Variants in DPP10 observed in about 807,000 individuals in gnomAD.
The protein encoded by DPP10 is dipeptidyl peptidase like 10, also known as inactive dipeptidyl peptidase 10.
DPP10 carries 33 observed loss-of-function variants against 120.9 expected under a neutral mutation model. That is an observed-to-expected ratio of 0.27 (90% CI 0.21 to 0.37). The LOEUF is 0.37. Ranked by LOEUF, DPP10 falls within the 10% of genes least tolerant of loss-of-function variation. The probability of loss-of-function intolerance (pLI) is 1.00; values close to 1 mark genes in which losing one functional copy is unlikely to be tolerated. For synonymous variants in DPP10, 337 were observed against 326.1 expected (o/e 1.03, Z -0.36); for missense variants, 816 against 942.8 (o/e 0.87, Z 1.76).
chr2:115,042,822 A>G (rs1037652614), intron 1 of DPP10, among the ~76,000 whole-genome samples: 2 of 152,236 alleles, frequency 1.3e-5, no homozygotes, highest in South Asian at 4.1e-4. Flanking sequence ...TGGTAGCAGT[A>G]TTCCTCTTCC....
At chr2:115,551,196 G>A (rs895116073) in intron 5 of DPP10, among the ~76,000 whole-genome samples, 5 of 152,086 alleles carry the variant, frequency 3.3e-5, no homozygotes, top group Admixed American at 2.6e-4. Context: ...TCAAGCTTTT[G>A]TAGACATTTC....
intron 1 of DPP10, among the ~76,000 whole-genome samples, chr2:114,798,819 C>CA (rs1683934697): frequency 6.6e-6 from 1 of 151,998 alleles, no homozygotes; most frequent in South Asian, 2.1e-4. Context: ...CTTAAATTTA[C>CA]AAAAAAATAA....
At position 115,378,236 on chromosome 2, in the gene DPP10, T is replaced by C. The variant is rs2065972578; in HGVS notation, c.271+34324T>C. 2.6e-5 allele frequency among the ~76,000 whole-genome samples: 4 copies of C among 151,986 alleles called. No homozygotes were observed. The South Asian group carries it at 8.3e-4, about 32-fold the overall frequency. ...TATCCTCTTTTATTTCATCGAGCAGTGGTTTGTAGTTCTCCTTGAAGAGGT... is the reference window on the plus strand; with the variant it reads ...TATCCTCTTTTATTTCATCGAGCAGCGGTTTGTAGTTCTCCTTGAAGAGGT... On this transcript the variant is annotated intron_variant, in intron 3 of 25. Transcript: ENST00000410059.
At chr2:115,564,656 A>G (rs1426349886) in intron 5 of DPP10, among the ~76,000 whole-genome samples, 1 of 152,234 alleles carries the variant, frequency 6.6e-6, no homozygotes, top group African/African-American at 2.4e-5. Context: ...CTGAACATTT[A>G]TCACACACAG....
intron 3 of DPP10, chr2:115,469,073 G>GCC: frequency 1.1e-5 from 2 of 176,472 alleles, no homozygotes; most frequent in Non-Finnish European, 2.4e-5. Flanking sequence ...TTACAGGCGT[G>GCC]CACCACCATG....
intron 1 of DPP10, among the ~76,000 whole-genome samples, chr2:115,275,867 T>C (rs1179240713): frequency 6.6e-6 from 1 of 151,976 alleles, no homozygotes; most frequent in African/African-American, 2.4e-5. Context: ...GCCCGGCTAA[T>C]TTTTTTGTAT....
chr2:115,018,343 C>A (rs1702820574), intron 1 of DPP10, among the ~76,000 whole-genome samples: 1 of 152,142 alleles, frequency 6.6e-6, no homozygotes. Context: ...TTTGACCCAG[C>A]AATCCCATTA....
At chr2:115,785,948 G>T (rs1343471568) in intron 17 of DPP10, among the ~76,000 whole-genome samples, 3 of 151,218 alleles carry the variant, frequency 2.0e-5, no homozygotes, top group Admixed American at 6.6e-5. Context: ...TAAATGCTTA[G>T]GATAGCTTCT....
intron 1 of DPP10, among the ~76,000 whole-genome samples, chr2:115,052,750 G>A (rs113007854): frequency 0.15 from 22,087 of 151,988 alleles, 1,717 homozygotes; most frequent in African/African-American, 0.21. Flanking sequence ...TCAGGAGTTC[G>A]AGACCAGCCT....
chr2:115,770,199 TG>T (rs1294716909), intron 13 of DPP10, among the ~76,000 whole-genome samples: 1 of 152,086 alleles, frequency 6.6e-6, no homozygotes, highest in African/African-American at 2.4e-5. Context: ...AGTATGGCGT[TG>T]GGTAGGGTTG....
chr2:115,052,949 C>CA (rs1705622485), intron 1 of DPP10, among the ~76,000 whole-genome samples: 8 of 64,082 alleles, frequency 1.2e-4, no homozygotes, highest in Middle Eastern at 8.5e-3. Flanking sequence ...GAGACTCCAT[C>CA]TCAAAAAAAA....
chr2:115,184,376 A>C (rs1388993101), intron 1 of DPP10, among the ~76,000 whole-genome samples: 1 of 152,202 alleles, frequency 6.6e-6, no homozygotes, highest in Non-Finnish European at 1.5e-5. Context: ...GGTCATTTCA[A>C]ATAGAAGGGG....
intron 1 of DPP10, among the ~76,000 whole-genome samples, chr2:115,105,532 G>A (rs188617577): frequency 5.3e-5 from 8 of 152,024 alleles, no homozygotes; most frequent in African/African-American, 1.9e-4. Context: ...TCATTACCAT[G>A]GTGACAGCAC....
At chr2:115,256,846 C>G (rs938182887) in intron 1 of DPP10, among the ~76,000 whole-genome samples, 2 of 152,222 alleles carry the variant, frequency 1.3e-5, no homozygotes, top group Non-Finnish European at 1.5e-5. Flanking sequence ...GCTCCTGCAT[C>G]TGAATGAAGG....
chr2:115,208,542 A>G (rs1009749596), intron 1 of DPP10, among the ~76,000 whole-genome samples: 5 of 152,156 alleles, frequency 3.3e-5, no homozygotes, highest in African/African-American at 4.8e-5. Flanking sequence ...ACTTTGAGCA[A>G]TGCATTCCTT....
At chr2:114,488,970 C>T (rs1681753709) in intron 1 of DPP10, among the ~76,000 whole-genome samples, 1 of 152,204 alleles carries the variant, frequency 6.6e-6, no homozygotes, top group Non-Finnish European at 1.5e-5. Context: ...TTTCTTGCTT[C>T]TTTGAAGACC....
intron 1 of DPP10, among the ~76,000 whole-genome samples, chr2:115,026,737 A>C (rs995840531): frequency 1.3e-5 from 2 of 151,952 alleles, no homozygotes; most frequent in South Asian, 4.1e-4. Context: ...GGGTTTTATC[A>C]TGTTGGCCAG....
At chr2:115,113,039 A>C in intron 1 of DPP10, among the ~76,000 whole-genome samples, 1 of 152,128 alleles carries the variant, frequency 6.6e-6, no homozygotes, top group Admixed American at 6.6e-5. Flanking sequence ...TTTACTCTGC[A>C]GATACATAGG....
chr2:115,393,090 T>C (rs2106550879), intron 3 of DPP10, among the ~76,000 whole-genome samples: 1 of 152,166 alleles, frequency 6.6e-6, no homozygotes, highest in East Asian at 1.9e-4. Context: ...AGGTGGGCAG[T>C]TCGCTTGAGG....
Sources: allele counts gnomAD v4.1 joint callset (sites outside exome capture counted in the v4.1 genomes callset), GRCh38; gene constraint gnomAD v4.1.1; transcripts MANE v1.5; gene names NCBI Gene and HGNC (gene_info 2026-07-23, HGNC 2026-07-21).